The following KCNMB2 variants were observed in gnomAD, a reference collection of about 807,000 sequenced individuals.
KCNMB2 encodes the protein calcium-activated potassium channel subunit beta-2.
KCNMB2 carries 9 observed loss-of-function variants against 24.5 expected under a neutral mutation model. That is an observed-to-expected ratio of 0.37 (90% CI 0.22 to 0.64). The LOEUF (loss-of-function observed/expected upper bound fraction) is 0.64. Among genes scored for constraint, KCNMB2 ranks in the 30% least tolerant of loss-of-function variants. The pLI is 0.63. For synonymous variants in KCNMB2, 109 were observed against 104.4 expected, an observed-to-expected ratio of 1.04 and a Z score of -0.27; for missense variants, 226 against 284.3, an observed-to-expected ratio of 0.79 and a Z score of 1.47.
At chr3:178,770,859 T>C (rs1712322149) in intron 1 of KCNMB2, among the ~76,000 whole-genome samples, 1 of 152,208 alleles carries the variant, frequency 6.6e-6, no homozygotes, top group Admixed American at 6.5e-5. Flanking sequence ...CCTCACATCC[T>C]GGCTAATTGG....
chr3:178,833,821 G>A (rs185199588), intron 4 of KCNMB2, among the ~76,000 whole-genome samples: 6 of 152,196 alleles, frequency 3.9e-5, no homozygotes, highest in Admixed American at 1.3e-4. Flanking sequence ...CATTATGACC[G>A]AAGCTGTTTA....
At chr3:178,605,186 T>C (rs113094503) in intron 1 of KCNMB2, among the ~76,000 whole-genome samples, 418 of 152,254 alleles carry the variant, frequency 2.7e-3, no homozygotes, top group African/African-American at 9.4e-3. Context: ...CAAGACCTCA[T>C]GAATGGGATT....
At chr3:178,673,409 A>G (rs1307134057) in intron 1 of KCNMB2, among the ~76,000 whole-genome samples, 7 of 151,870 alleles carry the variant, frequency 4.6e-5, no homozygotes, top group Non-Finnish European at 7.4e-5. Context: ...TTCTATTCCC[A>G]TATCTTCACT....
intron 1 of KCNMB2, among the ~76,000 whole-genome samples, chr3:178,598,276 A>AT (rs1309662119): frequency 1.3e-5 from 2 of 152,150 alleles, no homozygotes; most frequent in African/African-American, 2.4e-5. Flanking sequence ...CAGTCAAGAG[A>AT]TAGCGACATA....
At position 178,680,560 on chromosome 3, in the gene KCNMB2, C is replaced by A. The variant is rs1467226485; in HGVS notation, c.-67-126783C>A. ...TACTGAAAAAAGAAATATTATAACC[C>A]AACTCCAATGTGAGGAATTTCTCAT... On this transcript the variant is annotated intron_variant, in intron 1 of 4. Coordinates refer to ENST00000452583, the MANE Select transcript of KCNMB2 (RefSeq NM_181361.3). Among the ~76,000 whole-genome samples the A allele has an allele frequency of 2.6e-5, 4 of 152,068 alleles. No individual in the cohort carries two copies. In the East Asian group the frequency reaches 7.7e-4, roughly 29 times the overall value.
At chr3:178,541,857 C>T (rs1715629488) in intron 1 of KCNMB2, among the ~76,000 whole-genome samples, 4 of 152,126 alleles carry the variant, frequency 2.6e-5, no homozygotes, top group African/African-American at 9.6e-5. Context: ...CAACCTTTTT[C>T]GATTACCTAC....
intron 1 of KCNMB2, among the ~76,000 whole-genome samples, chr3:178,662,374 T>C (rs1434752117): frequency 6.6e-6 from 1 of 152,140 alleles, no homozygotes; most frequent in Non-Finnish European, 1.5e-5. Context: ...AAAAAAGTTT[T>C]GAAAAACGAT....
chr3:178,703,337 C>A (rs1722167804), intron 1 of KCNMB2, among the ~76,000 whole-genome samples: 1 of 152,130 alleles, frequency 6.6e-6, no homozygotes, highest in South Asian at 2.1e-4. Context: ...TACATGCTTT[C>A]CACCATTCCA....
intron 1 of KCNMB2, among the ~76,000 whole-genome samples, chr3:178,655,497 A>G (rs1297104182): frequency 6.6e-6 from 1 of 152,230 alleles, no homozygotes; most frequent in African/African-American, 2.4e-5. Context: ...TTTTAGGGTA[A>G]CTGGTAAGAA....
chr3:178,790,312 T>C (rs1484842792), intron 1 of KCNMB2, among the ~76,000 whole-genome samples: 4 of 151,998 alleles, frequency 2.6e-5, no homozygotes, highest in Non-Finnish European at 5.9e-5. Context: ...CATGCTGGCT[T>C]TAAGTGTGAC....
intron 1 of KCNMB2, among the ~76,000 whole-genome samples, chr3:178,758,027 GATATATATATATATCT>G (rs1724229297): frequency 1.4e-4 from 1 of 6,938 alleles, no homozygotes; most frequent in South Asian, 0.01. Context: ...ATATCTAGAG[GATATATATATATATCT>G]AGATATATAT....
At chr3:178,759,457 A>ATATATATCTC in intron 1 of KCNMB2, among the ~76,000 whole-genome samples, 1 of 45,576 alleles carries the variant, frequency 2.2e-5, no homozygotes, top group South Asian at 7.1e-4. Context: ...ATATATATAT[A>ATATATATCTC]TCTCCAAGAG....
intron 1 of KCNMB2, among the ~76,000 whole-genome samples, chr3:178,790,095 AG>A (rs112222819): frequency 3.9e-5 from 6 of 152,046 alleles, no homozygotes; most frequent in African/African-American, 1.4e-4. Flanking sequence ...GGCACCAGGC[AG>A]AGTCCTAAGG....
At chr3:178,647,040 T>C (rs886738010) in intron 1 of KCNMB2, among the ~76,000 whole-genome samples, 3 of 152,208 alleles carry the variant, frequency 2.0e-5, no homozygotes, top group Non-Finnish European at 4.4e-5. Context: ...CTATGAAGTA[T>C]GTTTATATGT....
intron 1 of KCNMB2, among the ~76,000 whole-genome samples, chr3:178,683,030 A>G (rs896968447): frequency 1.3e-5 from 2 of 152,082 alleles, no homozygotes; most frequent in African/African-American, 4.8e-5. Flanking sequence ...AAAAAGACAC[A>G]TCCACTTGCG....
chr3:178,790,784 A>T (rs898895363), intron 1 of KCNMB2, among the ~76,000 whole-genome samples: 1 of 152,204 alleles, frequency 6.6e-6, no homozygotes, highest in African/African-American at 2.4e-5. Context: ...TTCTTCAGGG[A>T]AAAGTTAAGG....
intron 1 of KCNMB2, among the ~76,000 whole-genome samples, chr3:178,643,865 T>C (rs766339596): frequency 2.3e-4 from 35 of 152,182 alleles, no homozygotes; most frequent in Non-Finnish European, 4.3e-4. Flanking sequence ...GAACGCCAAC[T>C]CTGTCTTCAA....
chr3:178,648,054 G>A (rs1719981364), intron 1 of KCNMB2, among the ~76,000 whole-genome samples: 1 of 151,960 alleles, frequency 6.6e-6, no homozygotes, highest in African/African-American at 2.4e-5. Context: ...CTTAGCTCAT[G>A]ACACACTCTC....
Position 178,842,875 on chromosome 3 carries a change from A to G in KCNMB2, c.646A>G (p.Met216Val). 6.2e-7 allele frequency: 1 copy of G among 1,614,064 alleles called. No homozygotes were observed. Among genetic ancestry groups the G allele is most frequent in the Non-Finnish European group, 8.5e-7 (1 of 1,179,920 alleles). ...MMAGGVAIVA[M>V]VKLTQYLSLL... ...GGCTGGGGGTGTGGCAATTGTTGCCATGGTGAAACTTACACAGTACCTCTC... is the reference window on the plus strand; with the variant it reads ...GGCTGGGGGTGTGGCAATTGTTGCCGTGGTGAAACTTACACAGTACCTCTC... The change falls in exon 5 of 5, where the codon ATG (methionine) becomes GTG (valine). Residue 216 changes from methionine to valine, a missense_variant. By Grantham distance (21) the Met-to-Val change is conservative. Coordinates refer to ENST00000452583, the MANE Select transcript of KCNMB2 (RefSeq NM_181361.3).
Sources: allele counts gnomAD v4.1 joint callset (sites outside exome capture counted in the v4.1 genomes callset), GRCh38; gene constraint gnomAD v4.1.1; transcripts MANE v1.5; gene names NCBI Gene and HGNC (gene_info 2026-07-23, HGNC 2026-07-21).